The following EXOC6 variants were observed in gnomAD, a reference collection of about 807,000 sequenced individuals.
The protein encoded by EXOC6 is exocyst complex component 6.
EXOC6 carries 60 observed loss-of-function variants against 112.5 expected under a neutral mutation model. The observed-to-expected ratio is 0.53, with a 90% CI of 0.43 to 0.66. The LOEUF (loss-of-function observed/expected upper bound fraction) is 0.66. Among genes scored for constraint, EXOC6 ranks in the 30% least tolerant of loss-of-function variants. The pLI is 0.00. For missense variants in EXOC6, 855 were observed against 957.1 expected (o/e 0.89, Z 1.41); for synonymous variants, 295 against 308.0 (o/e 0.96, Z 0.44).
At chr10:92,874,549 G>T (rs576262716) in intron 1 of EXOC6, among the ~76,000 whole-genome samples, 1 of 152,080 alleles carries the variant, frequency 6.6e-6, no homozygotes, top group East Asian at 1.9e-4. Flanking sequence ...TTTTTTAATT[G>T]TAAGAAATGT....
At position 92,883,749 on chromosome 10, in the gene EXOC6, G is replaced by A. The variant is rs150434922; in HGVS notation, c.102-9600G>A. Among the ~76,000 whole-genome samples, 116 of 152,258 alleles carry A rather than the reference G, an allele frequency of 7.6e-4. 1 individual carries two copies. In the East Asian group the frequency reaches 0.02, roughly 26 times the overall value. On this transcript the variant is annotated intron_variant, in intron 1 of 21. Transcript: ENST00000260762. ...ATAGAAATGCAAACTTAAGGCTAAT[G>A]TATCATTTGAAAAACTGGCAGAAAA...
chr10:92,951,552 G>C (rs1247482592), intron 14 of EXOC6, among the ~76,000 whole-genome samples: 1 of 152,146 alleles, frequency 6.6e-6, no homozygotes, highest in Non-Finnish European at 1.5e-5. Flanking sequence ...CTTGGTGATG[G>C]TACTTTCACC....
intron 17 of EXOC6, 37 bp downstream of exon 17, chr10:92,955,751 C>A: frequency 1.9e-6 from 3 of 1,575,594 alleles, no homozygotes; most frequent in South Asian, 2.3e-5. Flanking sequence ...TCATTTCAGT[C>A]ACTGTAAGCA....
chr10:92,954,168 T>C (rs1055792899), intron 15 of EXOC6, among the ~76,000 whole-genome samples: 2 of 152,172 alleles, frequency 1.3e-5, no homozygotes, highest in African/African-American at 4.8e-5. Flanking sequence ...TAGTCCCAGC[T>C]ACTCAGAATG....
chr10:92,878,571 C>G (rs1405405647), intron 1 of EXOC6, among the ~76,000 whole-genome samples: 1 of 152,048 alleles, frequency 6.6e-6, no homozygotes, highest in Non-Finnish European at 1.5e-5. Flanking sequence ...GGAGTGCGCC[C>G]CTGGAAGATC....
chr10:93,043,641 A>C (rs956418109), intron 20 of EXOC6, among the ~76,000 whole-genome samples: 1 of 152,204 alleles, frequency 6.6e-6, no homozygotes, highest in Non-Finnish European at 1.5e-5. Context: ...TTTTGCTTAG[A>C]AATGTCCTAA....
At chr10:92,986,223 TG>T (rs1292221076) in intron 18 of EXOC6, among the ~76,000 whole-genome samples, 1 of 152,210 alleles carries the variant, frequency 6.6e-6, no homozygotes, top group African/African-American at 2.4e-5. Context: ...ATCTTAACTT[TG>T]TGGCCTTTAT....
chr10:92,907,483 C>T (rs1188187544), intron 5 of EXOC6, among the ~76,000 whole-genome samples: 1 of 152,062 alleles, frequency 6.6e-6, no homozygotes, highest in Non-Finnish European at 1.5e-5. Context: ...GAGAGATGAG[C>T]GGCATGAAGG....
Position 92,896,705 on chromosome 10 carries a change from G to A in EXOC6, c.412+1685G>A, listed in dbSNP as rs1052668149. Among the ~76,000 whole-genome samples, 11 of 151,498 alleles carry A rather than the reference G, an allele frequency of 7.3e-5. No homozygotes were observed. In the East Asian group the frequency reaches 1.6e-3, roughly 22 times the overall value. ...CAAGTAGCTGGGATTACAAGCATGC[G>A]CCACCATGCCCGGCTAATTTCAGTA... On this transcript the variant is annotated intron_variant, in intron 4 of 21. Transcript: ENST00000260762.
chr10:93,000,694 A>G (rs886232264), intron 19 of EXOC6, among the ~76,000 whole-genome samples: 3 of 152,166 alleles, frequency 2.0e-5, no homozygotes, highest in East Asian at 1.9e-4. Context: ...TATTACCTTA[A>G]TCATTACTTC....
chr10:92,962,544 T>C (rs910015173), intron 17 of EXOC6, among the ~76,000 whole-genome samples: 4 of 152,006 alleles, frequency 2.6e-5, no homozygotes, highest in African/African-American at 9.7e-5. Context: ...CCCATGCTAC[T>C]ACCCTGGCTG....
intron 5 of EXOC6, among the ~76,000 whole-genome samples, chr10:92,908,914 T>C (rs756876906): frequency 2.0e-5 from 3 of 152,156 alleles, no homozygotes; most frequent in Non-Finnish European, 4.4e-5. Flanking sequence ...GTTTTTTGTG[T>C]GTGTGTGTGT....
At chr10:92,972,282 A>T (rs1302336551) in intron 17 of EXOC6, among the ~76,000 whole-genome samples, 2 of 152,174 alleles carry the variant, frequency 1.3e-5, no homozygotes, top group African/African-American at 2.4e-5. Context: ...GGCTCTTGAT[A>T]CTGTCGTGAG....
intron 18 of EXOC6, among the ~76,000 whole-genome samples, chr10:92,996,400 C>G (rs1355854322): frequency 6.6e-6 from 1 of 152,078 alleles, no homozygotes; most frequent in Non-Finnish European, 1.5e-5. Flanking sequence ...GCGGGCGGAT[C>G]ACAAGGTCAG....
At chr10:92,865,705 C>T (rs1848140918) in intron 1 of EXOC6, among the ~76,000 whole-genome samples, 1 of 151,966 alleles carries the variant, frequency 6.6e-6, no homozygotes, top group Admixed American at 6.5e-5. Context: ...CCTCGGCCTC[C>T]CAAAGTGCTG....
At chr10:92,911,936 TGC>T (rs1224169465) in intron 6 of EXOC6, among the ~76,000 whole-genome samples, 15 of 47,370 alleles carry the variant, frequency 3.2e-4, no homozygotes, top group East Asian at 4.9e-3. Flanking sequence ...TCTCTCTGTG[TGC>T]GTGTGTGTGT....
chr10:92,889,104 G>C (rs756783228), intron 1 of EXOC6, among the ~76,000 whole-genome samples: 2 of 152,048 alleles, frequency 1.3e-5, no homozygotes, highest in Non-Finnish European at 2.9e-5. Flanking sequence ...ATTGAGTTTT[G>C]GTCATATTTA....
At chr10:92,906,250 C>A (rs974198954) in intron 5 of EXOC6, among the ~76,000 whole-genome samples, 2 of 152,124 alleles carry the variant, frequency 1.3e-5, no homozygotes, top group African/African-American at 2.4e-5. Context: ...GTGATTCAGA[C>A]ATCACATAGT....
Position 93,021,261 on chromosome 10 carries a change from A to C in EXOC6, c.2169+6994A>C, listed in dbSNP as rs1183474062. On this transcript the variant is annotated intron_variant, in intron 20 of 21. Coordinates refer to ENST00000260762, the MANE Select transcript of EXOC6 (RefSeq NM_019053.6). ...CTTGGGAGGCTGAGGTAGGAGGATCACTTGAAGCCGGGTGTCAAGACCAGT... is the reference window on the plus strand; with the variant it reads ...CTTGGGAGGCTGAGGTAGGAGGATCCCTTGAAGCCGGGTGTCAAGACCAGT... Among the ~76,000 whole-genome samples, 6 of 152,120 alleles carry C rather than the reference A, an allele frequency of 3.9e-5. No homozygotes were observed. In the East Asian group the frequency reaches 1.2e-3, roughly 30 times the overall value.
Sources: allele counts gnomAD v4.1 joint callset (sites outside exome capture counted in the v4.1 genomes callset), GRCh38; gene constraint gnomAD v4.1.1; transcripts MANE v1.5; gene names NCBI Gene and HGNC (gene_info 2026-07-23, HGNC 2026-07-21).